The following TMEM237 variants were observed in gnomAD, a reference collection of about 807,000 sequenced individuals.
TMEM237 encodes the protein transmembrane protein 237.
TMEM237 carries 51 observed loss-of-function variants against 59.1 expected under a neutral mutation model. That is an observed-to-expected ratio of 0.86 (90% CI 0.69 to 1.09). The LOEUF (loss-of-function observed/expected upper bound fraction) is 1.09. TMEM237 is among the 50% of genes least tolerant of loss of function. TMEM237 has a pLI of 0.00. For synonymous variants in TMEM237, 140 were observed against 166.1 expected, an observed-to-expected ratio of 0.84 and a Z score of 1.21; for missense variants, 475 against 478.3, an observed-to-expected ratio of 0.99 and a Z score of 0.06.
chr2:201,640,539 G>C (rs999399888), intron 2 of TMEM237, among the ~76,000 whole-genome samples: 2 of 151,726 alleles, frequency 1.3e-5, no homozygotes, highest in African/African-American at 4.8e-5. Flanking sequence ...GGATTAAGCA[G>C]ATTAAGAACT....
chr2:201,631,229 C>G (rs982127212), intron 7 of TMEM237: 1 of 152,162 alleles, frequency 6.6e-6, no homozygotes, highest in Admixed American at 6.5e-5. Context: ...CTCTCTGCCA[C>G]ATGACGACAC....
chr2:201,629,729 C>A lies in TMEM237; in HGVS notation c.677G>T (p.Arg226Met). The change falls in exon 8 of 13, where the codon AGG (arginine) becomes ATG (methionine). Residue 226 changes from arginine to methionine, a missense_variant and splice_region_variant. Arg to Met is a moderately conservative substitution (Grantham distance 91). Transcript: ENST00000409883. ...DVALTVHRAF[R>M]MIGLFSHGFL... is the part of the protein sequence containing the mutation. ...AGAAAAGTCCAACAAAAGCAGCCAC[C>A]TGAAAGCCCGGTGCACTGTAAGTGC... 6.3e-7 allele frequency: 1 copy of A among 1,591,170 alleles called. No individual in the cohort carries two copies. Among genetic ancestry groups the A allele is most frequent in the Non-Finnish European group, 8.5e-7 (1 of 1,174,720 alleles).
In TMEM237 at chr2:201,622,926, A is replaced by T. The variant is rs1957723451; in HGVS notation, c.*1329T>A. ...GCTTCCCTGAAGTTTGCTGACGGGG[A>T]AGATTATGAACTCCTATACTGCCAG... On this transcript the variant is annotated 3_prime_UTR_variant, in exon 13 of 13. Coordinates refer to ENST00000409883, the MANE Select transcript of TMEM237 (RefSeq NM_001044385.3). 6.4e-6 allele frequency: 1 copy of T among 156,478 alleles called. No individual in the cohort carries two copies. The highest frequency in any genetic ancestry group is 2.4e-5 in the African/African-American group (1 of 41,650). 9.7% of individuals were successfully genotyped at this position (156,478 alleles called of 1,614,324 possible).
rs773411684 is a variant in TMEM237 at position 201,624,278 on chromosome 2, T to TCTC, written c.1201_1203dup (p.Glu401dup). On this transcript the variant is annotated inframe_insertion, in exon 13 of 13. Coordinates refer to ENST00000409883, the MANE Select transcript of TMEM237 (RefSeq NM_001044385.3). ...TATTATGAAGAGGCTTTGATTTCTT[T>TCTC]CTCTTTATCAGGATATTCTTCCACC... 2 of 1,612,110 alleles carry TCTC rather than the reference T, an allele frequency of 1.2e-6. No individual in the cohort carries two copies. The highest frequency in any genetic ancestry group is 2.7e-5 in the African/African-American group (2 of 74,902).
At chr2:201,632,433 T>C (rs1957816096) in intron 6 of TMEM237, among the ~76,000 whole-genome samples, 1 of 152,204 alleles carries the variant, frequency 6.6e-6, no homozygotes, top group South Asian at 2.1e-4. Context: ...GAACTAGATC[T>C]GTAAGCTTCT....
chr2:201,626,006 C>T lies in TMEM237; in HGVS notation c.1159+20G>A, dbSNP rs1162670210. On this transcript the variant is annotated intron_variant, in intron 12 of 12. Coordinates refer to ENST00000409883, the MANE Select transcript of TMEM237 (RefSeq NM_001044385.3). ...TAGAAGATTTCAGGATATTCTTATG[C>T]TATTTTTTTTCTTTAATACCTTCAC... The T allele has an allele frequency of 2.6e-6, 4 of 1,555,504 alleles. No individual in the cohort carries two copies. Among genetic ancestry groups the T allele is most frequent in the South Asian group, 2.4e-5 (2 of 83,980 alleles).
Position 201,643,436 on chromosome 2 carries a change from C to G in TMEM237, c.-36G>C. 6.8e-7 allele frequency: 1 copy of G among 1,474,926 alleles called. No individual in the cohort carries two copies. Among genetic ancestry groups the G allele is most frequent in the Non-Finnish European group, 9.0e-7 (1 of 1,111,092 alleles). 91.4% of individuals were successfully genotyped at this position (1,474,926 alleles called of 1,614,324 possible). Reference sequence around the variant, plus strand: ...CCGCGGGGCTGCCCCGGCGCAACCGCCGGCGGCCCGAGCCCAGCTCCCCGC... The same window carrying G: ...CCGCGGGGCTGCCCCGGCGCAACCGGCGGCGGCCCGAGCCCAGCTCCCCGC... On this transcript the variant is annotated 5_prime_UTR_variant, in exon 1 of 13. Transcript: ENST00000409883. The surrounding 1 kb of genome is among the most constrained non-coding windows in gnomAD (Gnocchi z 4.3).
intron 6 of TMEM237, among the ~76,000 whole-genome samples, chr2:201,632,746 T>C (rs1158603447): frequency 2.0e-5 from 3 of 152,204 alleles, no homozygotes; most frequent in Non-Finnish European, 4.4e-5. Context: ...CTCTTTCCTT[T>C]ATAAATTATC....
At chr2:201,626,433 A>T (rs1239020384) in intron 11 of TMEM237, 1 of 224,174 alleles carries the variant, frequency 4.5e-6, no homozygotes, top group Non-Finnish European at 8.7e-6. Flanking sequence ...AACTACCATG[A>T]CATTAATCCT....
intron 10 of TMEM237, 82 bp downstream of exon 10, chr2:201,627,994 A>T (rs1040222412): frequency 3.4e-5 from 35 of 1,032,366 alleles, no homozygotes; most frequent in Middle Eastern, 4.6e-4. Context: ...TACAACTTTT[A>T]AAAAAAATTA....
chr2:201,638,270 A>G (rs546423478), intron 4 of TMEM237, among the ~76,000 whole-genome samples: 3 of 152,320 alleles, frequency 2.0e-5, no homozygotes, highest in East Asian at 3.9e-4. Context: ...TTTGTTTTAA[A>G]AAAGGAGCAG....
chr2:201,629,263 A>G lies in TMEM237; in HGVS notation c.836T>C (p.Leu279Pro). Residue 279 changes from leucine (L) to proline (P), a missense_variant, in exon 9 of 13, where the codon CTT (leucine) becomes CCT (proline). Leu to Pro is a moderately conservative substitution (Grantham distance 98). Transcript: ENST00000409883. ...AGCTGAAATTGTACTCAGAGCCAAAAGCAAGTACAGAAGACTCTGGAATGG... is the reference window on the plus strand; with the variant it reads ...AGCTGAAATTGTACTCAGAGCCAAAGGCAAGTACAGAAGACTCTGGAATGG... The part of the protein sequence containing the change: ...AYPFQSLLYL[L>P]LALSTISAFD... The G allele has an allele frequency of 6.3e-7, 1 of 1,586,304 alleles. No homozygotes were observed. The highest frequency in any genetic ancestry group is 8.5e-7 in the Non-Finnish European group (1 of 1,171,706).
rs1957717286 is a variant in TMEM237 at position 201,622,479 on chromosome 2, C to T, written c.*1776G>A. 6.6e-6 allele frequency: 1 copy of T among 152,288 alleles called. No homozygotes were observed. Among genetic ancestry groups the T allele is most frequent in the Admixed American group, 6.5e-5 (1 of 15,288 alleles). The allele number at this position is 152,288 out of a possible 1,614,324, so 9.4% of individuals were successfully genotyped here. On this transcript the variant is annotated 3_prime_UTR_variant, in exon 13 of 13. Coordinates refer to ENST00000409883, the MANE Select transcript of TMEM237 (RefSeq NM_001044385.3). ...AACTCAGTTCCTTGTGGTTATGTGA[C>T]TGAAATCCATTTCCTTGCTCATTGT...
chr2:201,638,737 T>A, intron 4 of TMEM237: 1 of 509,042 alleles, frequency 2.0e-6, no homozygotes, highest in Non-Finnish European at 3.5e-6. Context: ...TCCAGGAATA[T>A]CATGGAAATA....
intron 12 of TMEM237, among the ~76,000 whole-genome samples, chr2:201,625,382 A>AAAAAG (rs1553659766): frequency 5.3e-5 from 8 of 152,178 alleles, no homozygotes; most frequent in African/African-American, 1.9e-4. Flanking sequence ...AAATAAAAAA[A>AAAAAG]AAAAGATATT....
At chr2:201,633,032 T>C (rs559686242) in intron 6 of TMEM237, among the ~76,000 whole-genome samples, 5 of 152,340 alleles carry the variant, frequency 3.3e-5, no homozygotes, top group Admixed American at 1.3e-4. Flanking sequence ...ATGTTTAATT[T>C]TGCTACTTAT....
At chr2:201,639,577 C>T (rs887978009) in intron 3 of TMEM237, among the ~76,000 whole-genome samples, 12 of 152,204 alleles carry the variant, frequency 7.9e-5, no homozygotes, top group Admixed American at 4.6e-4. Context: ...AGGCAGATCA[C>T]TTGAGCTCAG....
In TMEM237 at chr2:201,636,790, CCTCTGGGTG is replaced by C; in HGVS notation, c.223_231del (p.His75_Glu77del). The stretch of plus-strand genomic sequence containing the variant: ...TTTTTCTGTCTTCTTTGAACAGGAG[CCTCTGGGTG>C]CTCTTTGAGTTCTTTAGTTGATGGC... On this transcript the variant is annotated inframe_deletion, in exon 5 of 13. Transcript: ENST00000409883. 6.3e-7 allele frequency: 1 copy of C among 1,589,662 alleles called. No individual in the cohort carries two copies. The highest frequency in any genetic ancestry group is 8.6e-7 in the Non-Finnish European group (1 of 1,167,316).
At position 201,633,268 on chromosome 2, in the gene TMEM237, G is replaced by C. The variant is rs760584394; in HGVS notation, c.395+43C>G. 8.3e-6 allele frequency: 13 copies of C among 1,565,592 alleles called. No homozygotes were observed. The East Asian group carries it at 3.0e-4, about 36-fold the overall frequency. ...CTTCGGAGCTCCAAACAAAGCATCA[G>C]GGTAATCCTGGAGAATAGTTAGAAG... On this transcript the variant is annotated intron_variant, in intron 6 of 12. Transcript: ENST00000409883.
Sources: gnomAD v4.1 joint callset for allele counts (sites outside exome capture counted in the v4.1 genomes callset) on GRCh38, gnomAD v4.1.1 for gene constraint, Gnocchi (gnomAD v3.1) non-coding constraint, MANE v1.5 for transcripts, NCBI Gene and HGNC (gene_info 2026-07-23, HGNC 2026-07-21) for gene names.